The following SDK1 variants were observed in gnomAD, a reference collection of about 807,000 sequenced individuals.
SDK1 encodes the protein sidekick cell adhesion molecule 1, also known as protein sidekick-1.
Under a neutral mutation model 245.5 loss-of-function variants are expected in SDK1, and 157 were observed. The ratio of observed to expected loss-of-function variants is 0.64; its 90% confidence interval spans 0.56 to 0.73. The LOEUF (loss-of-function observed/expected upper bound fraction) is 0.73, where lower values mean the gene tolerates loss of function less well. Ranked by LOEUF, SDK1 falls within the 30% of genes least tolerant of loss-of-function variation. The pLI, the probability that SDK1 is intolerant of heterozygous loss-of-function variation, is 0.00. For synonymous variants in SDK1, 1,647 were observed against 1,278.5 expected (o/e 1.29, Z -6.15); for missense variants, 3,583 against 3,002.3 (o/e 1.19, Z -4.52).
chr7:3,915,348 A>G (rs530637891), intron 5 of SDK1, among the ~76,000 whole-genome samples: 1 of 152,280 alleles, frequency 6.6e-6, no homozygotes, highest in East Asian at 1.9e-4. Context: ...CCCAAATCTC[A>G]TCTTGAATTG....
intron 4 of SDK1, among the ~76,000 whole-genome samples, chr7:3,794,173 G>A (rs572565603): frequency 1.3e-5 from 2 of 152,270 alleles, no homozygotes; most frequent in East Asian, 3.9e-4. Context: ...GTATAAAGGA[G>A]AACGGCGTGA....
intron 5 of SDK1, among the ~76,000 whole-genome samples, chr7:3,905,253 A>G (rs929246338): frequency 1.3e-5 from 2 of 152,092 alleles, no homozygotes; most frequent in African/African-American, 4.8e-5. Flanking sequence ...CTATATGGAC[A>G]TTTAAACGAC....
chr7:3,348,483 GGGAGAAC>G (rs374246557), intron 1 of SDK1, among the ~76,000 whole-genome samples: 36,960 of 151,916 alleles, frequency 0.24, 4,808 homozygotes, highest in East Asian at 0.38. Flanking sequence ...GTTCTCGTAA[GGGAGAAC>G]TAAACATCGA....
At chr7:3,481,496 A>T (rs972556200) in intron 1 of SDK1, among the ~76,000 whole-genome samples, 1 of 152,208 alleles carries the variant, frequency 6.6e-6, no homozygotes, top group Non-Finnish European at 1.5e-5. Context: ...TTGGACTGTT[A>T]GTGAGCCTCC....
chr7:3,576,780 C>T (rs1277052865), intron 1 of SDK1, among the ~76,000 whole-genome samples: 4 of 151,900 alleles, frequency 2.6e-5, no homozygotes, highest in African/African-American at 4.8e-5. Flanking sequence ...GCATTTTGTT[C>T]CTGATGCTTC....
intron 1 of SDK1, among the ~76,000 whole-genome samples, chr7:3,510,609 A>G (rs1782547968): frequency 6.6e-6 from 1 of 152,202 alleles, no homozygotes; most frequent in African/African-American, 2.4e-5. Flanking sequence ...GAATGGCCCA[A>G]GACAGGTTTT....
At chr7:4,165,323 C>T (rs1781437301) in intron 32 of SDK1, among the ~76,000 whole-genome samples, 1 of 152,138 alleles carries the variant, frequency 6.6e-6, no homozygotes, top group Non-Finnish European at 1.5e-5. Context: ...GGCACCATTG[C>T]ACTCCAGCCT....
At chr7:3,931,129 T>C (rs1006581067) in intron 5 of SDK1, among the ~76,000 whole-genome samples, 1 of 152,220 alleles carries the variant, frequency 6.6e-6, no homozygotes, top group Non-Finnish European at 1.5e-5. Flanking sequence ...GACAGGATCC[T>C]TGGGGCTTCG....
intron 1 of SDK1, among the ~76,000 whole-genome samples, chr7:3,451,695 G>T (rs1780520017): frequency 6.6e-6 from 1 of 152,134 alleles, no homozygotes; most frequent in Admixed American, 6.6e-5. Flanking sequence ...AACAATACAG[G>T]TATGAAATTA....
intron 2 of SDK1, among the ~76,000 whole-genome samples, chr7:3,637,492 A>T (rs1212942110): frequency 6.6e-6 from 1 of 152,222 alleles, no homozygotes; most frequent in Non-Finnish European, 1.5e-5. Flanking sequence ...CAATTACTCT[A>T]CCATCTTGGG....
intron 5 of SDK1, among the ~76,000 whole-genome samples, chr7:3,874,837 T>A (rs927828436): frequency 6.6e-6 from 1 of 152,186 alleles, no homozygotes; most frequent in South Asian, 2.1e-4. Context: ...TTAAAGCTTT[T>A]GTTCTTCCAG....
intron 1 of SDK1, among the ~76,000 whole-genome samples, chr7:3,345,039 A>C (rs767448404): frequency 2.0e-5 from 3 of 152,236 alleles, no homozygotes; most frequent in Admixed American, 6.5e-5. Flanking sequence ...CAGATTTTAA[A>C]ACATATTGCA....
intron 16 of SDK1, among the ~76,000 whole-genome samples, 180 bp downstream of exon 16, chr7:4,012,415 G>C (rs1212225472): frequency 6.6e-6 from 1 of 152,062 alleles, no homozygotes; most frequent in Non-Finnish European, 1.5e-5. Flanking sequence ...GCCAACGTGG[G>C]CAGCCGTGCA....
Position 3,969,408 on chromosome 7 carries a change from C to G in SDK1, c.1698C>G (p.Ala566=), listed in dbSNP as rs1247624587. 1 of 1,601,276 alleles carries G rather than the reference C, an allele frequency of 6.2e-7. No individual in the cohort carries two copies. Residue 566 remains alanine, a synonymous_variant, in exon 11 of 45, where the codon GCC becomes GCG. Coordinates refer to ENST00000404826, the MANE Select transcript of SDK1 (RefSeq NM_152744.4). ...ANTEGSLNAS[A]TLTVWNRTSI... Reference sequence around the variant, plus strand: ...CAGAGGGCTCCCTGAATGCATCGGCCACGCTCACTGTGTGGAGTAAGGAGC... The same window carrying G: ...CAGAGGGCTCCCTGAATGCATCGGCGACGCTCACTGTGTGGAGTAAGGAGC...
intron 1 of SDK1, among the ~76,000 whole-genome samples, chr7:3,507,455 G>C (rs1782429655): frequency 6.6e-6 from 1 of 152,146 alleles, no homozygotes; most frequent in African/African-American, 2.4e-5. Context: ...TAAATGCTCG[G>C]AATAATAGTC....
chr7:4,040,706 C>A (rs932768914), intron 17 of SDK1, among the ~76,000 whole-genome samples: 1 of 152,150 alleles, frequency 6.6e-6, no homozygotes, highest in Non-Finnish European at 1.5e-5. Flanking sequence ...GGACTGGATG[C>A]GCCATTTGCA....
chr7:4,157,610 T>A (rs764558819), intron 30 of SDK1, among the ~76,000 whole-genome samples: 1 of 152,060 alleles, frequency 6.6e-6, no homozygotes, highest in Non-Finnish European at 1.5e-5. Context: ...ATGAGTCCCG[T>A]TAAAATCTCC....
intron 4 of SDK1, among the ~76,000 whole-genome samples, chr7:3,655,135 A>G (rs569900680): frequency 6.6e-6 from 1 of 151,362 alleles, no homozygotes; most frequent in South Asian, 2.1e-4. Flanking sequence ...TTAAATGCAT[A>G]TAATAGTATG....
chr7:3,719,961 A>G (rs185396050), intron 4 of SDK1, among the ~76,000 whole-genome samples: 3 of 151,812 alleles, frequency 2.0e-5, no homozygotes, highest in Admixed American at 6.6e-5. Flanking sequence ...TGGTGACAGA[A>G]CAAGACTCCA....
Sources: allele counts gnomAD v4.1 joint callset (sites outside exome capture counted in the v4.1 genomes callset), GRCh38; gene constraint gnomAD v4.1.1; transcripts MANE v1.5; gene names NCBI Gene and HGNC (gene_info 2026-07-23, HGNC 2026-07-21).